Variants in DHX8 observed in about 807,000 individuals in gnomAD.
DHX8 encodes the protein DEAH-box helicase 8, also known as ATP-dependent RNA helicase DHX8.
In DHX8, 67 loss-of-function variants were observed where a neutral mutation model predicts 140.7. The ratio of observed to expected loss-of-function variants is 0.48; its 90% confidence interval spans 0.39 to 0.58. DHX8 has a LOEUF of 0.58. Among genes scored for constraint, DHX8 ranks in the 20% least tolerant of loss-of-function variants. The pLI is 0.00. For synonymous variants in DHX8, 533 were observed against 553.2 expected, an observed-to-expected ratio of 0.96 and a Z score of 0.51; for missense variants, 887 against 1,550.7, an observed-to-expected ratio of 0.57 and a Z score of 7.19.
At chr17:43,518,907 T>C (rs1970244136) in intron 18 of DHX8, 1 of 152,270 alleles carries the variant, frequency 6.6e-6, no homozygotes, top group Non-Finnish European at 1.5e-5. Flanking sequence ...GATTTATTCA[T>C]GTTATTTTCA....
intron 1 of DHX8, among the ~76,000 whole-genome samples, chr17:43,484,552 C>T (rs1290051258): frequency 1.3e-5 from 2 of 152,138 alleles, no homozygotes; most frequent in African/African-American, 4.8e-5. Flanking sequence ...CGATGCTCAG[C>T]TCTTTATTGA....
intron 2 of DHX8, chr17:43,533,040 G>T (rs1478457880): frequency 2.7e-6 from 4 of 1,499,358 alleles, no homozygotes; most frequent in Non-Finnish European, 3.6e-6. Flanking sequence ...CGGAATGGGG[G>T]GTAGGGGGTT....
At chr17:43,536,620 T>A in intron 3 of DHX8, 1 of 671,472 alleles carries the variant, frequency 1.5e-6, no homozygotes, top group South Asian at 1.8e-5. Flanking sequence ...ATTGTAAGAA[T>A]TGTCTTGGGC....
In DHX8 at chr17:43,496,227, A is replaced by G. The variant is rs374368467; in HGVS notation, c.1259A>G (p.Asp420Gly). Residue 420 changes from aspartate (D) to glycine (G), a missense_variant, in exon 9 of 23, where the codon GAT becomes GGT. Around this residue, in one of 9 missense-constraint regions of DHX8, gnomAD observed 178 missense variants for 398.5 expected, o/e 0.45. Transcript: ENST00000262415. ...VLSKEEFPDF[D>G]EETGILPKVD... ...TCCAAAGAAGAATTTCCAGACTTTG[A>G]TGAAGAGACTGGCATTCTCCCTAAG... is the stretch of plus-strand genomic sequence containing the variant. 4 of 1,614,056 alleles carry G rather than the reference A, an allele frequency of 2.5e-6. No individual in the cohort carries two copies. Among genetic ancestry groups the G allele is most frequent in the East Asian group, 2.2e-5 (1 of 44,888 alleles).
At chr17:43,532,698 G>A (rs1971008295) in intron 2 of DHX8, 1 of 1,613,678 alleles carries the variant, frequency 6.2e-7, no homozygotes, top group East Asian at 2.2e-5. Context: ...AAGTCCGTCT[G>A]TTCCTGTTTG....
chr17:43,494,613 C>CA (rs1162004441), intron 8 of DHX8, among the ~76,000 whole-genome samples: 4 of 150,206 alleles, frequency 2.7e-5, no homozygotes, highest in Admixed American at 2.7e-4. Flanking sequence ...CCCAGCTACT[C>CA]ACGACGCTGA....
Position 43,525,163 on chromosome 17 carries a change from A to G in DHX8, c.*1316A>G. 1.0e-6 allele frequency: 1 copy of G among 985,428 alleles called. No homozygotes were observed. Among genetic ancestry groups the G allele is most frequent in the Non-Finnish European group, 1.2e-6 (1 of 829,934 alleles). The allele number at this position is 985,428 out of a possible 1,614,324, so 61.0% of individuals were successfully genotyped here. A position where few individuals can be genotyped will look rare whatever the true frequency, so the allele number is the denominator to read the frequency against. ...AGGCCAGGTTTCGGAACTTACGGAA[A>G]GCTGGTCTGGATGTAGTGCTTGTAG... On this transcript the variant is annotated 3_prime_UTR_variant, in exon 23 of 23. Transcript: ENST00000262415.
intron 18 of DHX8, 81 bp downstream of exon 18, chr17:43,517,403 C>T (rs1248937163): frequency 1.4e-6 from 2 of 1,468,444 alleles, no homozygotes; most frequent in East Asian, 4.7e-5. Flanking sequence ...GTTTTATGAA[C>T]CTTGTTAAAT....
chr17:43,514,397 G>A (rs1458280472), intron 17 of DHX8, among the ~76,000 whole-genome samples: 1 of 151,966 alleles, frequency 6.6e-6, no homozygotes, highest in Non-Finnish European at 1.5e-5. Context: ...AAAAAAGTTT[G>A]AATCCTAGTA....
In DHX8 at chr17:43,517,181, A is replaced by G. The variant is rs1310008024; in HGVS notation, c.2658A>G (p.Gln886=). 7 of 1,613,734 alleles carry G rather than the reference A, an allele frequency of 4.3e-6. No individual in the cohort carries two copies. The highest frequency in any genetic ancestry group is 5.9e-6 in the Non-Finnish European group (7 of 1,179,832). The stretch of plus-strand genomic sequence containing the variant: ...CACCCCTCTAGGCTCAGGCAAAGCA[A>G]CGAGCTGGCAGAGCTGGGAGAACAG... ...VTPISQAQAK[Q]RAGRAGRTGP... is the part of the protein sequence containing the mutation. Residue 886 remains glutamine (Q), a synonymous_variant, in exon 18 of 23, where the codon CAA becomes CAG. Transcript: ENST00000262415.
chr17:43,499,681 T>C (rs1969072418), intron 10 of DHX8, among the ~76,000 whole-genome samples: 2 of 152,228 alleles, frequency 1.3e-5, no homozygotes. Context: ...ATACCTTTCT[T>C]ATGTCCTTCA....
At chr17:43,500,970 C>G (rs1056928239) in intron 11 of DHX8, among the ~76,000 whole-genome samples, 1 of 151,752 alleles carries the variant, frequency 6.6e-6, no homozygotes, top group African/African-American at 2.4e-5. Flanking sequence ...TCATATAATT[C>G]TTTGTGCAGT....
At chr17:43,495,515 T>C (rs1053414770) in intron 8 of DHX8, among the ~76,000 whole-genome samples, 1 of 152,124 alleles carries the variant, frequency 6.6e-6, no homozygotes, top group Non-Finnish European at 1.5e-5. Flanking sequence ...GGGCTCCAAG[T>C]GATTCTCTTG....
Position 43,524,138 on chromosome 17 carries a change from C to T in DHX8, c.*291C>T. 8.0e-7 allele frequency: 1 copy of T among 1,251,412 alleles called. No individual in the cohort carries two copies. Among genetic ancestry groups the T allele is most frequent in the Non-Finnish European group, 1.0e-6 (1 of 986,396 alleles). 77.5% of individuals were successfully genotyped at this position (1,251,412 alleles called of 1,614,324 possible). On this transcript the variant is annotated 3_prime_UTR_variant, in exon 23 of 23. Coordinates refer to ENST00000262415, the MANE Select transcript of DHX8 (RefSeq NM_004941.3). ...TTCAAGAAAGGGACAATTTGTGCAG[C>T]TCCAGGATGGGAAGGTGGAGTGGGT...
intron 9 of DHX8, among the ~76,000 whole-genome samples, chr17:43,496,469 T>A (rs1968865944): frequency 6.6e-6 from 1 of 152,152 alleles, no homozygotes; most frequent in South Asian, 2.1e-4. Flanking sequence ...ATTATTATTA[T>A]ACCTGTTGCT....
chr17:43,525,492 G>A lies in DHX8; in HGVS notation c.*1645G>A, dbSNP rs936999835. ...GCCTCCTGATTCTGTCTGAGTATTC[G>A]CCTTTGTAAGCCCAGGCCAGTAATC... On this transcript the variant is annotated 3_prime_UTR_variant, in exon 23 of 23. Transcript: ENST00000262415. 24 of 985,244 alleles carry A rather than the reference G, an allele frequency of 2.4e-5. No individual in the cohort carries two copies. Among genetic ancestry groups the A allele is most frequent in the South Asian group, 9.4e-5 (2 of 21,292 alleles). 61.0% of individuals were successfully genotyped at this position (985,244 alleles called of 1,614,324 possible).
chr17:43,535,363 C>A lies in DHX8; in HGVS notation c.351-1049C>A, dbSNP rs186705807. 4.0e-3 allele frequency among the ~76,000 whole-genome samples: 610 copies of A among 152,228 alleles called. 1 individual carries two copies. The highest frequency in any genetic ancestry group is 0.031 in the Middle Eastern group (9 of 294). ...CTCAATCTTGCCTCACTGCAACCTC[C>A]GCCTCCCAGGTTCAAGCGATTCTCA... is the stretch of plus-strand genomic sequence containing the variant. On this transcript the variant is annotated intron_variant, in intron 2 of 3. Coordinates refer to the DHX8 transcript ENST00000589898.
intron 2 of DHX8, chr17:43,533,817 A>T: frequency 6.3e-7 from 1 of 1,599,876 alleles, no homozygotes; most frequent in Non-Finnish European, 8.5e-7. Flanking sequence ...CCTCCTCTGG[A>T]ACCCTTCTCC....
chr17:43,530,486 G>A (rs1598194779), downstream of DHX8: 3 of 1,271,136 alleles, frequency 2.4e-6, no homozygotes, highest in South Asian at 1.7e-5. Flanking sequence ...TGCGAGTTCA[G>A]GGGGAGGAGG....
Sources: allele counts gnomAD v4.1 joint callset (sites outside exome capture counted in the v4.1 genomes callset), GRCh38; gene constraint gnomAD v4.1.1; regional missense constraint gnomAD v4.1.1; transcripts MANE v1.5; gene names NCBI Gene and HGNC (gene_info 2026-07-23, HGNC 2026-07-21).